Variants in MAGI2 observed in about 807,000 individuals in gnomAD.
The protein encoded by MAGI2 is membrane associated guanylate kinase, WW and PDZ domain containing 2.
Under a neutral mutation model 133.3 loss-of-function variants are expected in MAGI2, and 35 were observed. The observed-to-expected ratio is 0.26, with a 90% CI of 0.20 to 0.35. MAGI2 has a LOEUF of 0.35. Ranked by LOEUF, MAGI2 falls within the 10% of genes least tolerant of loss-of-function variation. The pLI, the probability that MAGI2 is intolerant of heterozygous loss-of-function variation, is 1.00. For synonymous variants in MAGI2, 729 were observed against 710.6 expected (o/e 1.03, Z -0.41); for missense variants, 1,636 against 1,863.4 (o/e 0.88, Z 2.25).
At chr7:78,380,364 A>T (rs1242552634) in intron 6 of MAGI2, among the ~76,000 whole-genome samples, 1 of 152,140 alleles carries the variant, frequency 6.6e-6, no homozygotes, top group Non-Finnish European at 1.5e-5. Context: ...CAACAGATGA[A>T]TGAGTAAAGA....
chr7:78,988,474 T>C lies in MAGI2; in HGVS notation c.418+18616A>G, dbSNP rs373871584. On this transcript the variant is annotated intron_variant, in intron 2 of 21. Transcript: ENST00000354212. ...CCAGGAAAAAGCAGCTATTTCAACA[T>C]GGAAGGTTCATTTTAAACAAAAGCA... is the stretch of plus-strand genomic sequence containing the variant. Among the ~76,000 whole-genome samples, 4 of 152,052 alleles carry C rather than the reference T, an allele frequency of 2.6e-5. No homozygotes were observed. The East Asian group carries it at 7.8e-4, about 29-fold the overall frequency.
intron 2 of MAGI2, among the ~76,000 whole-genome samples, chr7:78,917,250 G>A (rs1169703707): frequency 6.6e-6 from 1 of 152,082 alleles, no homozygotes; most frequent in Non-Finnish European, 1.5e-5. Flanking sequence ...AGTAGAGTAA[G>A]AGGAGTAAAT....
At chr7:78,130,164 T>C (rs1375797387) in intron 18 of MAGI2, among the ~76,000 whole-genome samples, 1 of 152,160 alleles carries the variant, frequency 6.6e-6, no homozygotes, top group Non-Finnish European at 1.5e-5. Context: ...TCTCCTTGAA[T>C]AGTGTTTTTG....
intron 2 of MAGI2, among the ~76,000 whole-genome samples, chr7:78,935,427 A>G (rs1482503966): frequency 6.6e-6 from 1 of 152,176 alleles, no homozygotes; most frequent in African/African-American, 2.4e-5. Context: ...AAAAGACACT[A>G]GTTTCCCACC....
intron 6 of MAGI2, among the ~76,000 whole-genome samples, chr7:78,438,476 A>G (rs1186521065): frequency 1.3e-5 from 2 of 152,164 alleles, no homozygotes; most frequent in African/African-American, 2.4e-5. Flanking sequence ...ACATTTCACC[A>G]AAACACTTCA....
At chr7:79,388,370 G>A (rs1844348045) in intron 1 of MAGI2, among the ~76,000 whole-genome samples, 1 of 152,030 alleles carries the variant, frequency 6.6e-6, no homozygotes, top group South Asian at 2.1e-4. Flanking sequence ...GGTAATCAGA[G>A]AGAGTTCAAC....
intron 21 of MAGI2, among the ~76,000 whole-genome samples, chr7:78,028,834 G>T (rs928194509): frequency 1.6e-5 from 2 of 123,924 alleles, no homozygotes; most frequent in African/African-American, 3.1e-5. Context: ...GGGCAACAGA[G>T]CAAGACTCCA....
intron 2 of MAGI2, among the ~76,000 whole-genome samples, chr7:78,929,623 G>C (rs1799961630): frequency 6.6e-6 from 1 of 151,940 alleles, no homozygotes; most frequent in Admixed American, 6.6e-5. Context: ...TCACTACAAT[G>C]TCTGCTTCCA....
intron 3 of MAGI2, among the ~76,000 whole-genome samples, chr7:78,564,256 C>T (rs779141385): frequency 3.9e-5 from 6 of 152,108 alleles, no homozygotes; most frequent in Non-Finnish European, 7.3e-5. Context: ...TTCTGCTCAG[C>T]GTTTTAGTAT....
chr7:78,048,511 G>A (rs1811666994), intron 21 of MAGI2, among the ~76,000 whole-genome samples: 1 of 151,950 alleles, frequency 6.6e-6, no homozygotes, highest in South Asian at 2.1e-4. Context: ...AATATCAGAA[G>A]CAATTTGGAT....
chr7:79,349,919 C>T (rs1369596460), intron 1 of MAGI2, among the ~76,000 whole-genome samples: 1 of 152,010 alleles, frequency 6.6e-6, no homozygotes, highest in African/African-American at 2.4e-5. Flanking sequence ...TAAGAATACT[C>T]GCCACCCTCA....
At chr7:78,850,714 G>T (rs1425934746) in intron 2 of MAGI2, among the ~76,000 whole-genome samples, 1 of 152,038 alleles carries the variant, frequency 6.6e-6, no homozygotes, top group East Asian at 1.9e-4. Flanking sequence ...CTTTGAGGGA[G>T]TCCCTGTCTC....
chr7:79,339,464 G>GTT lies in MAGI2; in HGVS notation c.301+113554_301+113555dup, dbSNP rs71095397. 3.3e-3 allele frequency among the ~76,000 whole-genome samples: 438 copies of GTT among 134,542 alleles called. 3 individuals are homozygous for GTT. Among genetic ancestry groups the GTT allele is most frequent in the East Asian group, 0.013 (60 of 4,740 alleles). 88.3% of individuals were successfully genotyped at this position (134,542 alleles called of 152,430 possible). A position where few individuals can be genotyped will look rare whatever the true frequency, so the allele number is the denominator to read the frequency against. The stretch of plus-strand genomic sequence containing the variant: ...TACAGGTTTGTTTGTTTTTGTTTTT[G>GTT]TTTTTTTTTTTTTTGAGGAATCACT... On this transcript the variant is annotated intron_variant, in intron 1 of 21. Transcript: ENST00000354212.
At chr7:78,665,095 T>A (rs960236260) in intron 2 of MAGI2, among the ~76,000 whole-genome samples, 2 of 152,116 alleles carry the variant, frequency 1.3e-5, no homozygotes, top group African/African-American at 4.8e-5. Context: ...ATTTAAAAAT[T>A]TTCAGCTCTT....
intron 1 of MAGI2, among the ~76,000 whole-genome samples, chr7:79,369,585 C>A (rs1463858239): frequency 6.6e-6 from 1 of 152,174 alleles, no homozygotes; most frequent in East Asian, 1.9e-4. Flanking sequence ...TTTATTATAT[C>A]CTTATCCCAA....
Position 78,345,935 on chromosome 7 carries a change from G to C in MAGI2, c.1212C>G (p.Ala404=). Reference sequence around the variant, plus strand: ...CAGGTATCATACCTCGGAAACCTGGGGCCTGCAGGGGCTTTGTTCCAAGTT... The same window carrying C: ...CAGGTATCATACCTCGGAAACCTGGCGCCTGCAGGGGCTTTGTTCCAAGTT... ...HTELGTKPLQ[A]PGFREKPLFT... The change falls in exon 8 of 22, where the codon GCC becomes GCG. Residue 404 remains alanine (A), a synonymous_variant. Coordinates refer to ENST00000354212, the MANE Select transcript of MAGI2 (RefSeq NM_012301.4). The C allele has an allele frequency of 1.9e-6, 3 of 1,614,140 alleles. No individual in the cohort carries two copies. The highest frequency in any genetic ancestry group is 2.5e-6 in the Non-Finnish European group (3 of 1,180,032).
chr7:78,990,654 T>G (rs1805667479), intron 2 of MAGI2, among the ~76,000 whole-genome samples: 2 of 152,004 alleles, frequency 1.3e-5, no homozygotes, highest in Admixed American at 1.3e-4. Context: ...AAAAATAATT[T>G]GGGGCTTTAA....
chr7:78,432,208 CAAA>C (rs1234092462), intron 6 of MAGI2, among the ~76,000 whole-genome samples: 1 of 115,344 alleles, frequency 8.7e-6, no homozygotes. Context: ...GCAGGCCTTA[CAAA>C]AAAAAAAAAG....
intron 2 of MAGI2, among the ~76,000 whole-genome samples, chr7:78,773,667 A>T (rs1023718083): frequency 4.6e-5 from 7 of 152,208 alleles, no homozygotes; most frequent in African/African-American, 1.2e-4. Context: ...CAGGACAGTC[A>T]CATAGAATAG....
Sources: gnomAD v4.1 joint callset for allele counts (sites outside exome capture counted in the v4.1 genomes callset) on GRCh38, gnomAD v4.1.1 for gene constraint, MANE v1.5 for transcripts, NCBI Gene and HGNC (gene_info 2026-07-23, HGNC 2026-07-21) for gene names.